The following PAX7 variants were observed in gnomAD, a reference collection of about 807,000 sequenced individuals.
The protein encoded by PAX7 is paired box 7.
A neutral mutation model predicts 50.7 loss-of-function variants in PAX7; 18 were observed. The ratio of observed to expected loss-of-function variants is 0.36; its 90% CI spans 0.25 to 0.53. PAX7 has a LOEUF of 0.53. Ranked by LOEUF, PAX7 falls within the 20% of genes least tolerant of loss-of-function variation. PAX7 has a pLI of 0.93. For missense variants in PAX7, 644 were observed against 702.9 expected (o/e 0.92, Z 0.95); for synonymous variants, 310 against 290.4 (o/e 1.07, Z -0.69).
At chr1:18,712,949 G>A (rs1474844524) in intron 7 of PAX7, among the ~76,000 whole-genome samples, 1 of 152,184 alleles carries the variant, frequency 6.6e-6, no homozygotes. Flanking sequence ...GGGCGTGGTG[G>A]TGCATGCCTG....
In PAX7 at chr1:18,747,198, A is replaced by G. The variant is rs1200216324; in HGVS notation, c.*2269A>G. 8.7e-6 allele frequency: 2 copies of G among 230,574 alleles called. No homozygotes were observed. Among genetic ancestry groups the G allele is most frequent in the Non-Finnish European group, 1.7e-5 (2 of 116,484 alleles). The allele number at this position is 230,574 out of a possible 1,614,324, so 14.3% of individuals were successfully genotyped here. On this transcript the variant is annotated 3_prime_UTR_variant, in exon 9 of 9. Transcript: ENST00000420770. ...CACCCTCTGTGACTCAGGAGCAGGGATCTCAGGCAGCTGATATCAAAACCA... is the reference window on the plus strand; with the variant it reads ...CACCCTCTGTGACTCAGGAGCAGGGGTCTCAGGCAGCTGATATCAAAACCA...
intron 4 of PAX7, among the ~76,000 whole-genome samples, chr1:18,677,043 G>A (rs977969930): frequency 3.9e-5 from 6 of 152,238 alleles, no homozygotes; most frequent in African/African-American, 1.4e-4. Context: ...TGCCCCTCTG[G>A]GCAAGGTGAA....
Position 18,742,738 on chromosome 1 carries a change from C to A in PAX7, c.1403-2076C>A, listed in dbSNP as rs555859221. On this transcript the variant is annotated intron_variant, in intron 8 of 8. Coordinates refer to ENST00000420770, the MANE Select transcript of PAX7 (RefSeq NM_001135254.2). ...GGCAGACTTAACTTTCCTCTCATCA[C>A]CCACCCTGGAGCCTGGTAAGCAGAG... Among the ~76,000 whole-genome samples the A allele has an allele frequency of 3.3e-5, 5 of 152,314 alleles. No individual in the cohort carries two copies. In the South Asian group the frequency reaches 1.0e-3, roughly 32 times the overall value.
chr1:18,637,199 T>A (rs1204703289), intron 4 of PAX7, among the ~76,000 whole-genome samples: 5 of 152,194 alleles, frequency 3.3e-5, no homozygotes, highest in Non-Finnish European at 7.3e-5. Context: ...AAGGGGATTG[T>A]GCTTTTGTTT....
At chr1:18,644,538 G>A (rs1029599158) in intron 4 of PAX7, among the ~76,000 whole-genome samples, 4 of 151,998 alleles carry the variant, frequency 2.6e-5, no homozygotes, top group Non-Finnish European at 5.9e-5. Flanking sequence ...TTTTCATCTA[G>A]TATAAAGGGG....
At chr1:18,671,973 T>C (rs927178452) in intron 4 of PAX7, among the ~76,000 whole-genome samples, 16 of 150,920 alleles carry the variant, frequency 1.1e-4, no homozygotes, top group African/African-American at 3.7e-4. Context: ...CAAGACCCTG[T>C]CTCTTAAAAA....
chr1:18,740,574 G>C (rs992640469), intron 8 of PAX7, among the ~76,000 whole-genome samples: 11 of 152,204 alleles, frequency 7.2e-5, no homozygotes, highest in Non-Finnish European at 1.2e-4. Context: ...CACACAGTAG[G>C]TGGTCCATAC....
chr1:18,743,289 T>C (rs1405360077), intron 8 of PAX7, among the ~76,000 whole-genome samples: 3 of 152,254 alleles, frequency 2.0e-5, no homozygotes, highest in Non-Finnish European at 4.4e-5. Context: ...AAAGTTGGCA[T>C]GTGCAGGATT....
At position 18,670,762 on chromosome 1, in the gene PAX7, G is replaced by A. The variant is rs894629041; in HGVS notation, c.587-20992G>A. On this transcript the variant is annotated intron_variant, in intron 4 of 8. Coordinates refer to ENST00000420770, the MANE Select transcript of PAX7 (RefSeq NM_001135254.2). ...TGGAGACGACAGCCCGGGCCCGTGC[G>A]AGTCCCTCCACCTGGCTCCTTGTCC... 2.6e-5 allele frequency among the ~76,000 whole-genome samples: 4 copies of A among 152,210 alleles called. No individual in the cohort carries two copies. The East Asian group carries it at 5.8e-4, about 22-fold the overall frequency.
At chr1:18,712,199 A>AG (rs2100347458) in intron 7 of PAX7, among the ~76,000 whole-genome samples, 1 of 152,350 alleles carries the variant, frequency 6.6e-6, no homozygotes, top group South Asian at 2.1e-4. Flanking sequence ...GGCCCTGAGC[A>AG]TCCTCAGCCC....
At chr1:18,723,760 T>G (rs561028679) in intron 7 of PAX7, among the ~76,000 whole-genome samples, 1 of 152,108 alleles carries the variant, frequency 6.6e-6, no homozygotes, top group South Asian at 2.1e-4. Context: ...ATTTTTAATA[T>G]GCATAGCCAG....
intron 5 of PAX7, among the ~76,000 whole-genome samples, chr1:18,699,340 A>G (rs2743203): frequency 0.019 from 2,843 of 152,210 alleles, 79 homozygotes; most frequent in African/African-American, 0.062. Flanking sequence ...TAGATGCGGC[A>G]ATTAAGGAGT....
At position 18,631,426 on chromosome 1, in the gene PAX7, C is replaced by G; in HGVS notation, c.-178C>G. On this transcript the variant is annotated 5_prime_UTR_variant, in exon 1 of 9. Coordinates refer to ENST00000420770, the MANE Select transcript of PAX7 (RefSeq NM_001135254.2). ...CACCCCCCTCCCCAGCTTCTGGACG[C>G]GTTTGACTGCAGCCAGGGGTGGGGG... 2 of 609,978 alleles carry G rather than the reference C, an allele frequency of 3.3e-6. No homozygotes were observed. Among genetic ancestry groups the G allele is most frequent in the South Asian group, 2.0e-5 (1 of 49,932 alleles). The allele number at this position is 609,978 out of a possible 1,614,324, so 37.8% of individuals were successfully genotyped here.
chr1:18,700,597 G>A lies in PAX7; in HGVS notation c.787-56G>A. 6.9e-7 allele frequency: 1 copy of A among 1,454,474 alleles called. No homozygotes were observed. The highest frequency in any genetic ancestry group is 9.1e-7 in the Non-Finnish European group (1 of 1,097,678). 90.1% of individuals were successfully genotyped at this position (1,454,474 alleles called of 1,614,324 possible). A position where few individuals can be genotyped will look rare whatever the true frequency, so the allele number is the denominator to read the frequency against. On this transcript the variant is annotated intron_variant, in intron 5 of 8. Transcript: ENST00000420770. The surrounding 1 kb of genome is among the most constrained non-coding windows in gnomAD (Gnocchi z 4.8). ...GGCAACTGGGTCTACATGTGTTGCA[G>A]CTCTCTGCCAGGAACCTGGCCGAGG...
At chr1:18,649,818 A>G (rs1371958139) in intron 4 of PAX7, among the ~76,000 whole-genome samples, 1 of 152,252 alleles carries the variant, frequency 6.6e-6, no homozygotes, top group African/African-American at 2.4e-5. Flanking sequence ...AAATGGCCCC[A>G]TGCAGAGGCC....
rs530909027 is a variant in PAX7 at position 18,721,788 on chromosome 1, C to T, written c.1156-13844C>T. Among the ~76,000 whole-genome samples the T allele has an allele frequency of 5.3e-5, 8 of 152,348 alleles. No homozygotes were observed. The East Asian group carries it at 1.5e-3, about 29-fold the overall frequency. The stretch of plus-strand genomic sequence containing the variant: ...ACCATGTCTGGAAACACACAGGCTT[C>T]AGCAACTTGAAGGCCCTGTGCAGAG... On this transcript the variant is annotated intron_variant, in intron 7 of 8. Transcript: ENST00000420770.
At chr1:18,671,295 G>A (rs1304051786) in intron 4 of PAX7, among the ~76,000 whole-genome samples, 1 of 152,232 alleles carries the variant, frequency 6.6e-6, no homozygotes, top group East Asian at 1.9e-4. Context: ...GTGCATGAGA[G>A]ACAGAATAAT....
Position 18,631,666 on chromosome 1 carries a change from C to G in PAX7, c.63C>G (p.Pro21=). The change falls in exon 1 of 9, where the codon CCC becomes CCG. Residue 21 remains proline (P), a synonymous_variant. Transcript: ENST00000420770. ...MMRPAPGQNY[P]RTGFPLEVST... ...GGCCGGCTCCGGGGCAGAACTACCCCCGCACGGGATTCCCTTTGGAAGGTA... is the reference window on the plus strand; with the variant it reads ...GGCCGGCTCCGGGGCAGAACTACCCGCGCACGGGATTCCCTTTGGAAGGTA... 2 of 1,612,974 alleles carry G rather than the reference C, an allele frequency of 1.2e-6. No individual in the cohort carries two copies. The highest frequency in any genetic ancestry group is 1.7e-6 in the Non-Finnish European group (2 of 1,179,838).
At chr1:18,682,771 G>A (rs2088917919) in intron 4 of PAX7, among the ~76,000 whole-genome samples, 1 of 152,188 alleles carries the variant, frequency 6.6e-6, no homozygotes, top group Non-Finnish European at 1.5e-5. Flanking sequence ...TCCTGGGTCT[G>A]CCTGGGAAGG....
Sources: allele counts gnomAD v4.1 joint callset (sites outside exome capture counted in the v4.1 genomes callset), GRCh38; gene constraint gnomAD v4.1.1; non-coding constraint Gnocchi (gnomAD v3.1); transcripts MANE v1.5; gene names NCBI Gene and HGNC (gene_info 2026-07-23, HGNC 2026-07-21).